The following STRN4 variants were observed in gnomAD, a reference collection of about 807,000 sequenced individuals.
STRN4 encodes striatin 4.
STRN4 carries 27 observed loss-of-function variants against 77.9 expected under a neutral mutation model. That is an observed-to-expected ratio of 0.35 (90% CI 0.26 to 0.48). The LOEUF is 0.48. STRN4 is among the 20% of genes least tolerant of loss of function. The pLI is 0.99. For missense variants in STRN4, 798 were observed against 1,049.7 expected (o/e 0.76, Z 3.31); for synonymous variants, 466 against 443.1 (o/e 1.05, Z -0.65).
intron 1 of STRN4, among the ~76,000 whole-genome samples, chr19:46,745,482 A>T (rs1269072407): frequency 1.3e-5 from 2 of 150,848 alleles, no homozygotes; most frequent in African/African-American, 4.9e-5. Context: ...GTCCTTACAC[A>T]GCCCTCCTTC....
Position 46,738,836 on chromosome 19 carries a change from G to A in STRN4, c.335C>T (p.Thr112Met), listed in dbSNP as rs201203782. Residue 112 changes from threonine (T) to methionine (M), a missense_variant, in exon 2 of 18, where the codon ACG (threonine) becomes ATG (methionine). Thr to Met is a moderately conservative substitution (Grantham distance 81). Around this residue, in one of 2 missense-constraint regions of STRN4, gnomAD observed 511 missense variants for 575.9 expected, o/e 0.89. Coordinates refer to ENST00000263280, the MANE Select transcript of STRN4 (RefSeq NM_013403.3). This position sits in a 1 kb window ranked among gnomAD's most constrained non-coding sequence, Gnocchi z 4.5. Reference protein sequence around the residue: ...GERKGQENLKTDLVRRIKMLE... With the variant: ...GERKGQENLKMDLVRRIKMLE... Reference sequence around the variant, plus strand: ...CATCTTGATCCGCCGCACCAGGTCCGTCTTTAGATTCTCCTGCCCTTTCCT... The same window carrying A: ...CATCTTGATCCGCCGCACCAGGTCCATCTTTAGATTCTCCTGCCCTTTCCT... 1.2e-4 allele frequency: 193 copies of A among 1,614,176 alleles called. No individual in the cohort carries two copies. Among genetic ancestry groups the A allele is most frequent in the Middle Eastern group, 3.3e-4 (2 of 6,062 alleles).
At chr19:46,730,914 A>C in intron 5 of STRN4, 41 bp from the exon 6 acceptor site, 1 of 1,601,372 alleles carries the variant, frequency 6.2e-7, no homozygotes, top group African/African-American at 1.3e-5. Context: ...GAGTCCTGGC[A>C]GGTGTCAAAG....
At chr19:46,744,705 C>T (rs1189278125) in intron 1 of STRN4, among the ~76,000 whole-genome samples, 1 of 151,942 alleles carries the variant, frequency 6.6e-6, no homozygotes, top group Admixed American at 6.6e-5. Context: ...CAATTCTCAT[C>T]AGCTATTTAT....
At chr19:46,722,592 G>C (rs569768648) in intron 14 of STRN4, among the ~76,000 whole-genome samples, 1 of 152,214 alleles carries the variant, frequency 6.6e-6, no homozygotes, top group African/African-American at 2.4e-5. Flanking sequence ...AGGGCCCGAC[G>C]GGGCGGCCCT....
chr19:46,740,489 T>G (rs2054454365), intron 1 of STRN4, among the ~76,000 whole-genome samples: 1 of 151,994 alleles, frequency 6.6e-6, no homozygotes, highest in African/African-American at 2.4e-5. Context: ...GTGTATCTTC[T>G]CAGTCCCCCA....
rs1449298450 is a variant in STRN4, at chr19:46,730,836, C to T, written c.775G>A (p.Gly259Ser). 15 of 1,612,276 alleles carry T rather than the reference C, an allele frequency of 9.3e-6. No homozygotes were observed. The highest frequency in any genetic ancestry group is 1.1e-5 in the South Asian group (1 of 91,088). The change falls in exon 6 of 18, where the codon GGC becomes AGC. Residue 259 changes from glycine (G) to serine (S), a missense_variant. Physicochemically the swap from Gly to Ser is moderately conservative, Grantham distance 56. Transcript: ENST00000263280. Reference protein sequence around the residue: ...AGKDGKERLGGSVLGQIPFLQ... With the variant: ...AGKDGKERLGSSVLGQIPFLQ... ...AAGGGGATCTGCCCCAGCACTGAGC[C>T]GCCCAAGCGCTCTTTGCCATCTTTG...
At chr19:46,728,421 G>A in intron 7 of STRN4, 197 bp downstream of exon 7, 1 of 732,376 alleles carries the variant, frequency 1.4e-6, no homozygotes, top group Non-Finnish European at 2.2e-6. Flanking sequence ...GCGTCTCCAT[G>A]GGGATTTTCC....
At chr19:46,728,063 A>G (rs1171399703) in intron 7 of STRN4, 56 bp from the exon 8 acceptor site, 3 of 1,513,754 alleles carry the variant, frequency 2.0e-6, no homozygotes, top group East Asian at 2.3e-5. Flanking sequence ...CCAGTCTGGC[A>G]TAGGTGACGC....
intron 11 of STRN4, 32 bp from the exon 12 acceptor site, chr19:46,724,960 G>A: frequency 1.2e-6 from 2 of 1,613,332 alleles, no homozygotes; most frequent in South Asian, 1.1e-5. Flanking sequence ...AAAGGGGGAT[G>A]AGACAAGCTC....
chr19:46,726,837 A>G (rs928228384), intron 9 of STRN4, among the ~76,000 whole-genome samples: 1 of 152,134 alleles, frequency 6.6e-6, no homozygotes, highest in Non-Finnish European at 1.5e-5. Flanking sequence ...CCCCTCCCCT[A>G]GCGGGGCTCA....
chr19:46,736,185 G>C lies in STRN4; in HGVS notation c.539+638C>G, dbSNP rs1010588094. ...AGCTACTCAGAAGGCTGAGGCAGGA[G>C]AATCGTCTGAGGTGGATGGAGGCAG... On this transcript the variant is annotated intron_variant, in intron 4 of 17. Transcript: ENST00000263280. 5 of 152,048 alleles carry C rather than the reference G, an allele frequency of 3.3e-5. No individual in the cohort carries two copies. In the East Asian group the frequency reaches 9.7e-4, roughly 29 times the overall value. The allele number at this position is 152,048 out of a possible 1,614,324, so 9.4% of individuals were successfully genotyped here. A position where few individuals can be genotyped will look rare whatever the true frequency, so the allele number is the denominator to read the frequency against.
chr19:46,743,458 C>T (rs954752810), intron 1 of STRN4, among the ~76,000 whole-genome samples: 5 of 152,158 alleles, frequency 3.3e-5, no homozygotes, highest in African/African-American at 1.2e-4. Context: ...GGGTGCTGTG[C>T]GGTGCACTGG....
rs760195252 is a variant in STRN4 at position 46,724,844 on chromosome 19, C to G, written c.1557G>C (p.Lys519Asn). The change falls in exon 12 of 18, where the codon AAG becomes AAC. Residue 519 changes from lysine (K) to asparagine (N), a missense_variant. Around this residue, in one of 2 missense-constraint regions of STRN4, gnomAD observed 287 missense variants for 473.8 expected, o/e 0.61. Transcript: ENST00000263280. Reference protein sequence around the residue: ...GGADACIHSWKIPDLSMDPYD... With the variant: ...GGADACIHSWNIPDLSMDPYD... Reference sequence around the variant, plus strand: ...AGGGATCCATGCTGAGGTCTGGAATCTTCCAACTATGGATGCAGGCATCTG... The same window carrying G: ...AGGGATCCATGCTGAGGTCTGGAATGTTCCAACTATGGATGCAGGCATCTG... 2 of 1,613,942 alleles carry G rather than the reference C, an allele frequency of 1.2e-6. No homozygotes were observed. Among genetic ancestry groups the G allele is most frequent in the Non-Finnish European group, 1.7e-6 (2 of 1,180,036 alleles).
chr19:46,721,629 G>T, intron 16 of STRN4: 2 of 258,586 alleles, frequency 7.7e-6, no homozygotes, highest in African/African-American at 2.2e-5. Context: ...AGAGACAACA[G>T]GGTGGGAGCA....
chr19:46,727,629 G>T, intron 8 of STRN4, 83 bp from the exon 9 acceptor site: 2 of 1,156,760 alleles, frequency 1.7e-6, no homozygotes, highest in South Asian at 1.3e-5. Context: ...GACAGAGAGA[G>T]GCAGAGAAAG....
intron 1 of STRN4, chr19:46,739,555 A>T (rs886783050): frequency 6.5e-6 from 1 of 153,888 alleles, no homozygotes; most frequent in Admixed American, 6.4e-5. Context: ...CCAGTCTGTC[A>T]ACAGGTCATT....
intron 1 of STRN4, among the ~76,000 whole-genome samples, chr19:46,744,296 G>A (rs932158931): frequency 7.2e-5 from 11 of 152,272 alleles, no homozygotes; most frequent in African/African-American, 2.6e-4. Flanking sequence ...AGTTACATAA[G>A]GATTCTGCTC....
intron 4 of STRN4, among the ~76,000 whole-genome samples, chr19:46,735,057 G>A (rs1002998458): frequency 1.3e-5 from 2 of 152,160 alleles, no homozygotes; most frequent in Non-Finnish European, 2.9e-5. Context: ...TGTAATCCCA[G>A]CAGTTTGGGA....
rs372710891 is a variant in STRN4, at chr19:46,728,634, C to G, written c.1023G>C (p.Gly341=). ...TCAGCTCACCCAGCTCATGGGGGCT[C>G]CCATCCACAGTGCACCGCCGAGGGT... ...APDPRRCTVD[G]SPHELESRRV... Residue 341 remains glycine (G), a synonymous_variant, in exon 7 of 18, where the codon GGG becomes GGC. Transcript: ENST00000263280. 1.1e-5 allele frequency: 17 copies of G among 1,613,624 alleles called. No homozygotes were observed. Among genetic ancestry groups the G allele is most frequent in the African/African-American group, 4.0e-5 (3 of 74,910 alleles).
Sources: allele counts gnomAD v4.1 joint callset (sites outside exome capture counted in the v4.1 genomes callset), GRCh38; gene constraint gnomAD v4.1.1; regional missense constraint gnomAD v4.1.1; non-coding constraint Gnocchi (gnomAD v3.1); transcripts MANE v1.5; gene names NCBI Gene and HGNC (gene_info 2026-07-23, HGNC 2026-07-21).